Variants in MED4 observed in about 807,000 individuals in gnomAD.
MED4 encodes mediator of RNA polymerase II transcription subunit 4.
In MED4, 21 loss-of-function variants were observed where a neutral mutation model predicts 35.0. That is an observed-to-expected ratio of 0.60 (90% CI 0.43 to 0.86). The LOEUF (loss-of-function observed/expected upper bound fraction) is 0.86, where lower values mean the gene tolerates loss of function less well. MED4 is among the 40% of genes least tolerant of loss of function. The probability of loss-of-function intolerance (pLI) is 0.00; values close to 1 mark genes in which losing one functional copy is unlikely to be tolerated. For synonymous variants in MED4, 138 were observed against 114.0 expected, an observed-to-expected ratio of 1.21 and a Z score of -1.34; for missense variants, 300 against 319.4, an observed-to-expected ratio of 0.94 and a Z score of 0.46.
At chr13:48,079,770 C>T (rs1950790310) in intron 6 of MED4, 74 bp downstream of exon 6, 3 of 1,521,868 alleles carry the variant, frequency 2.0e-6, no homozygotes, top group Admixed American at 2.0e-5. Context: ...ACTTGCTTTA[C>T]CGCCAGATAT....
chr13:48,093,091 A>G (rs1950901639), intron 1 of MED4, among the ~76,000 whole-genome samples: 1 of 152,222 alleles, frequency 6.6e-6, no homozygotes, highest in African/African-American at 2.4e-5. Context: ...AGCATACTGC[A>G]TTAGAATCCA....
rs1950765441 is a variant in MED4 at position 48,077,109 on chromosome 13, T to C, written c.*30A>G. On this transcript the variant is annotated 3_prime_UTR_variant, in exon 7 of 7. Transcript: ENST00000258648. The stretch of plus-strand genomic sequence containing the variant: ...TTAAAGAAACAGAATTCTACAGTAT[T>C]CAATTCTGTATATTGTCTTTTAAGG... The C allele has an allele frequency of 6.5e-7, 1 of 1,548,956 alleles. No individual in the cohort carries two copies. The highest frequency in any genetic ancestry group is 1.4e-5 in the African/African-American group (1 of 71,196).
chr13:48,079,583 T>C (rs1005434053), intron 6 of MED4, among the ~76,000 whole-genome samples: 1 of 151,890 alleles, frequency 6.6e-6, no homozygotes, highest in Non-Finnish European at 1.5e-5. Context: ...CCACTAAAAA[T>C]ACAAAAATTA....
intron 1 of MED4, among the ~76,000 whole-genome samples, chr13:48,094,650 A>G (rs1255113395): frequency 6.6e-6 from 1 of 152,014 alleles, no homozygotes; most frequent in East Asian, 1.9e-4. Flanking sequence ...TCTACCCTTC[A>G]CTACCGTCTC....
At chr13:48,084,976 C>T (rs1003179952) in intron 3 of MED4, among the ~76,000 whole-genome samples, 2 of 151,980 alleles carry the variant, frequency 1.3e-5, no homozygotes, top group African/African-American at 4.8e-5. Flanking sequence ...AAGAGATTCT[C>T]CTGCCTCAGC....
intron 3 of MED4, among the ~76,000 whole-genome samples, chr13:48,084,707 A>G (rs1265838718): frequency 6.6e-6 from 1 of 152,180 alleles, no homozygotes; most frequent in African/African-American, 2.4e-5. Context: ...CAAACTATGA[A>G]TAGTGGCATT....
In MED4 at chr13:48,086,306, C is replaced by T. The variant is rs1469206711; in HGVS notation, c.339G>A (p.Gln113=). The T allele has an allele frequency of 1.9e-6, 3 of 1,613,716 alleles. No individual in the cohort carries two copies. Among genetic ancestry groups the T allele is most frequent in the African/African-American group, 2.7e-5 (2 of 74,906 alleles). Residue 113 remains glutamine (Q), a synonymous_variant, in exon 3 of 7, where the codon CAG becomes CAA. Transcript: ENST00000258648. ...CCAGTATTTGTTCTGCTTCCTTTAGCTGTTTTTGTAGCTGCTGAATATCAC... is the reference window on the plus strand; with the variant it reads ...CCAGTATTTGTTCTGCTTCCTTTAGTTGTTTTTGTAGCTGCTGAATATCAC... ...RDSDIQQLQK[Q]LKEAEQILAT...
intron 6 of MED4, among the ~76,000 whole-genome samples, chr13:48,078,095 A>T (rs560350284): frequency 6.6e-6 from 1 of 152,292 alleles, no homozygotes; most frequent in South Asian, 2.1e-4. Flanking sequence ...GAAATACCTT[A>T]AAAAAGGGCC....
At chr13:48,085,967 T>G (rs1357401589) in intron 3 of MED4, among the ~76,000 whole-genome samples, 2 of 151,906 alleles carry the variant, frequency 1.3e-5, no homozygotes, top group African/African-American at 4.8e-5. Context: ...AAAGAGAGAT[T>G]TAGACTACTG....
intron 2 of MED4, among the ~76,000 whole-genome samples, chr13:48,087,439 A>G (rs920885878): frequency 1.3e-5 from 2 of 152,234 alleles, no homozygotes; most frequent in Admixed American, 1.3e-4. Context: ...AGGTGGCACC[A>G]AGAACTTAAG....
At chr13:48,087,331 T>G (rs1389855668) in intron 2 of MED4, among the ~76,000 whole-genome samples, 1 of 151,972 alleles carries the variant, frequency 6.6e-6, no homozygotes. Context: ...GCCATTGCAC[T>G]CCAGCCGGGG....
intron 1 of MED4, chr13:48,093,638 T>G (rs1439782007): frequency 4.3e-6 from 2 of 465,784 alleles, no homozygotes; most frequent in Non-Finnish European, 8.9e-6. Context: ...TCCGCCCGCC[T>G]TGGCCTCCCA....
At chr13:48,081,576 G>T in intron 5 of MED4, 69 bp downstream of exon 5, 1 of 1,011,450 alleles carries the variant, frequency 9.9e-7, no homozygotes, top group Non-Finnish European at 1.5e-6. Context: ...TTAAATCTAT[G>T]TCTGTACATA....
rs754174730 is a variant in MED4 at position 48,094,940 on chromosome 13, G to T, written c.125+14C>A. 6.2e-7 allele frequency: 1 copy of T among 1,600,912 alleles called. No individual in the cohort carries two copies. The highest frequency in any genetic ancestry group is 1.1e-5 in the South Asian group (1 of 91,040). ...GGCCCAGCTCCAGCCCGGCTCTCAG[G>T]CTCGCCGCATTACCTAGACAGGACC... On this transcript the variant is annotated intron_variant, in intron 1 of 6. Coordinates refer to ENST00000258648, the MANE Select transcript of MED4 (RefSeq NM_014166.4).
At position 48,081,660 on chromosome 13, in the gene MED4, G is replaced by T. The variant is rs557592621; in HGVS notation, c.493C>A (p.Leu165Met). The stretch of plus-strand genomic sequence containing the variant: ...GTATGTTTACCTGGAACCCAGGTCA[G>T]TGGAGCACATACAGCATTACTTGCA... ...ISASNAVCAP[L>M]TWVPGDPRRP... The change falls in exon 5 of 7, where the codon CTG becomes ATG. Residue 165 changes from leucine (L) to methionine (M), a missense_variant. By Grantham distance (15) the Leu-to-Met change is conservative. Transcript: ENST00000258648. 3.7e-6 allele frequency: 6 copies of T among 1,610,862 alleles called. No individual in the cohort carries two copies. In the South Asian group the frequency reaches 6.6e-5, roughly 18 times the overall value.
At chr13:48,088,573 C>T (rs1950869218) in intron 2 of MED4, among the ~76,000 whole-genome samples, 2 of 152,100 alleles carry the variant, frequency 1.3e-5, no homozygotes, top group South Asian at 4.1e-4. Context: ...ACAGTAGTTC[C>T]CTGACAACTT....
At chr13:48,087,003 G>A (rs1016295724) in intron 2 of MED4, among the ~76,000 whole-genome samples, 33 of 151,446 alleles carry the variant, frequency 2.2e-4, no homozygotes, top group African/African-American at 3.2e-4. Context: ...CCAAGATCAC[G>A]CCACTGCACT....
intron 6 of MED4, 104 bp from the exon 7 acceptor site, chr13:48,077,415 C>A: frequency 4.9e-6 from 5 of 1,021,532 alleles, no homozygotes; most frequent in Non-Finnish European, 6.6e-6. Context: ...TTTAATTTTA[C>A]TTTTTTCTCT....
rs571223631 is a variant in MED4 at position 48,078,300 on chromosome 13, G to C, written c.641-989C>G. Among the ~76,000 whole-genome samples the C allele has an allele frequency of 3.9e-5, 6 of 152,312 alleles. No homozygotes were observed. The East Asian group carries it at 1.2e-3, about 29-fold the overall frequency. On this transcript the variant is annotated intron_variant, in intron 6 of 6. Coordinates refer to ENST00000258648, the MANE Select transcript of MED4 (RefSeq NM_014166.4). The stretch of plus-strand genomic sequence containing the variant: ...CCCTGAAACCATTTCTCCTTTGCCA[G>C]CTGCCACAATTAAGTTTTGTCAGTA...
Sources: gnomAD v4.1 joint callset for allele counts (sites outside exome capture counted in the v4.1 genomes callset) on GRCh38, gnomAD v4.1.1 for gene constraint, MANE v1.5 for transcripts, NCBI Gene and HGNC (gene_info 2026-07-23, HGNC 2026-07-21) for gene names.